UGT1A4: variants seen among roughly 807,000 people sequenced by gnomAD.
UGT1A4 encodes the protein UDP-glucuronosyltransferase 1A4.
In UGT1A4, 32 loss-of-function variants were observed where a neutral mutation model predicts 41.1. The observed-to-expected ratio is 0.78, with a 90% confidence interval of 0.59 to 1.05. The LOEUF is 1.05. Ranked by LOEUF, UGT1A4 falls within the 50% of genes least tolerant of loss-of-function variation. The probability of loss-of-function intolerance (pLI) is 0.00; values close to 1 mark genes in which losing one functional copy is unlikely to be tolerated. For missense variants in UGT1A4, 748 were observed against 677.4 expected (o/e 1.10, Z -1.16); for synonymous variants, 283 against 265.1 (o/e 1.07, Z -0.66).
At chr2:233,748,415 T>A (rs1693936731) in intron 1 of UGT1A4, among the ~76,000 whole-genome samples, 1 of 151,852 alleles carries the variant, frequency 6.6e-6, no homozygotes, top group Non-Finnish European at 1.5e-5. Context: ...ACATTGAGAC[T>A]TGACCCATCT....
At chr2:233,765,999 C>G (rs1036845415) in intron 1 of UGT1A4, among the ~76,000 whole-genome samples, 1 of 151,990 alleles carries the variant, frequency 6.6e-6, no homozygotes, top group Non-Finnish European at 1.5e-5. Flanking sequence ...CTCCAGTGGG[C>G]GTGGGTTATG....
intron 1 of UGT1A4, chr2:233,730,092 A>G: frequency 1.3e-6 from 2 of 1,595,278 alleles, no homozygotes. Context: ...TTATCTTTCC[A>G]AATATTTCAT....
Position 233,743,944 on chromosome 2 carries a change from C to G in UGT1A4, c.868-23090C>G, listed in dbSNP as rs558062868. 11 of 1,351,522 alleles carry G rather than the reference C, an allele frequency of 8.1e-6. No individual in the cohort carries two copies. In the Admixed American group the frequency reaches 1.2e-4, roughly 14 times the overall value. The allele number at this position is 1,351,522 out of a possible 1,614,324, so 83.7% of individuals were successfully genotyped here. A position where few individuals can be genotyped will look rare whatever the true frequency, so the allele number is the denominator to read the frequency against. ...TGGATGGCCAGAACGGCCCACCAGG[C>G]ACTGGCACAGCGAGCGGCAAGGCTG... On this transcript the variant is annotated intron_variant, in intron 1 of 4. Transcript: ENST00000373409.
chr2:233,726,278 A>G (rs548858738), intron 1 of UGT1A4, among the ~76,000 whole-genome samples: 27 of 152,354 alleles, frequency 1.8e-4, no homozygotes, highest in African/African-American at 5.8e-4. Context: ...CTATGGTCCC[A>G]GGTACTTGGG....
At chr2:233,755,269 T>C in intron 1 of UGT1A4, 1 of 759,984 alleles carries the variant, frequency 1.3e-6, no homozygotes, top group East Asian at 5.3e-5. Context: ...TAGTCCACTA[T>C]GCTGGACTGC....
intron 1 of UGT1A4, chr2:233,747,379 A>G: frequency 1.2e-6 from 2 of 1,605,180 alleles, no homozygotes; most frequent in South Asian, 1.1e-5. Flanking sequence ...GCCAGAGGCC[A>G]CCAGGCGGTG....
chr2:233,755,337 A>G (rs1695871666), intron 1 of UGT1A4: 2 of 434,782 alleles, frequency 4.6e-6, no homozygotes, highest in Admixed American at 3.7e-5. Flanking sequence ...ACCCGCGCAC[A>G]GGTCAGAGGC....
chr2:233,771,951 C>G (rs1331596370), intron 4 of UGT1A4, among the ~76,000 whole-genome samples: 6 of 152,070 alleles, frequency 3.9e-5, no homozygotes, highest in Admixed American at 2.0e-4. Context: ...CTTGTTTCTA[C>G]AAAAAATTTA....
Position 233,768,455 on chromosome 2 carries a change from CAGA to C in UGT1A4, c.1307+21_1307+23del, listed in dbSNP as rs1237588109. On this transcript the variant is annotated intron_variant, in intron 4 of 4. Transcript: ENST00000373409. The stretch of plus-strand genomic sequence containing the variant: ...ATGACAAAAGGTAAGAAAGAAGATA[CAGA>C]AGAATACTTTGGTCATGGCATTCAT... 4 of 1,610,124 alleles carry C rather than the reference CAGA, an allele frequency of 2.5e-6. No homozygotes were observed. The African/African-American group carries it at 5.4e-5, about 22-fold the overall frequency.
intron 1 of UGT1A4, among the ~76,000 whole-genome samples, chr2:233,744,973 G>T (rs771503200): frequency 1.3e-5 from 2 of 151,732 alleles, no homozygotes; most frequent in African/African-American, 2.4e-5. Context: ...CCTTCTTTAA[G>T]CCTCTAGTCA....
chr2:233,767,849 G>A lies in UGT1A4; in HGVS notation c.1000G>A (p.Val334Ile). ...ADALGKIPQT[V>I]LWRYTGTRPS... ...GTTCTGCTCTTTTTGCCCCTCCCAG[G>A]TCCTGTGGCGGTACACTGGAACCCG... The change falls in exon 3 of 5, where the codon GTC becomes ATC. Residue 334 changes from valine (V) to isoleucine (I), a missense_variant and splice_region_variant. Transcript: ENST00000373409. The A allele has an allele frequency of 1.2e-6, 2 of 1,613,920 alleles. No homozygotes were observed. The highest frequency in any genetic ancestry group is 1.7e-6 in the Non-Finnish European group (2 of 1,180,010).
intron 1 of UGT1A4, chr2:233,721,744 G>T: frequency 4.6e-6 from 2 of 439,016 alleles, no homozygotes; most frequent in South Asian, 1.7e-5. Flanking sequence ...AATGATGAGA[G>T]AATCTACATC....
chr2:233,772,131 CAAT>C, intron 4 of UGT1A4, 128 bp from the exon 5 acceptor site: 4 of 1,543,198 alleles, frequency 2.6e-6, no homozygotes, highest in Middle Eastern at 2.3e-4. Flanking sequence ...ACAACAACAA[CAAT>C]AATAGAAACA....
At chr2:233,768,945 T>C (rs1365506143) in intron 4 of UGT1A4, among the ~76,000 whole-genome samples, 1 of 152,204 alleles carries the variant, frequency 6.6e-6, no homozygotes, top group Admixed American at 6.5e-5. Context: ...TTCTTTAGTT[T>C]CTATATAATT....
At chr2:233,761,135 A>G (rs755308142) in intron 1 of UGT1A4, 1 of 1,614,240 alleles carries the variant, frequency 6.2e-7, no homozygotes. Context: ...TGCCTTCACC[A>G]AAATCCACTA....
chr2:233,758,803 T>C (rs554075465), intron 1 of UGT1A4, among the ~76,000 whole-genome samples: 1 of 152,342 alleles, frequency 6.6e-6, no homozygotes, highest in Admixed American at 6.5e-5. Context: ...TGGAATTGTA[T>C]AGTACAGCAG....
At chr2:233,763,415 C>T (rs1277371697) in intron 1 of UGT1A4, among the ~76,000 whole-genome samples, 1 of 152,156 alleles carries the variant, frequency 6.6e-6, no homozygotes, top group Non-Finnish European at 1.5e-5. Flanking sequence ...ATTTTTAATC[C>T]AGTCAGGCAG....
intron 1 of UGT1A4, among the ~76,000 whole-genome samples, chr2:233,720,635 C>T (rs1197990739): frequency 6.6e-6 from 1 of 151,750 alleles, no homozygotes; most frequent in Non-Finnish European, 1.5e-5. Context: ...TGAAATAGTA[C>T]TCTGGGATGT....
At chr2:233,751,036 G>T (rs1694621697) in intron 1 of UGT1A4, among the ~76,000 whole-genome samples, 1 of 151,846 alleles carries the variant, frequency 6.6e-6, no homozygotes, top group South Asian at 2.1e-4. Context: ...AGCTTGCACT[G>T]TGTGCCTGGA....
Sources: gnomAD v4.1 joint callset for allele counts (sites outside exome capture counted in the v4.1 genomes callset) on GRCh38, gnomAD v4.1.1 for gene constraint, MANE v1.5 for transcripts, NCBI Gene and HGNC (gene_info 2026-07-23, HGNC 2026-07-21) for gene names.